The following SEMA5B variants were observed in gnomAD, a reference collection of about 807,000 sequenced individuals.
SEMA5B encodes semaphorin-5B.
Under a neutral mutation model 135.0 loss-of-function variants are expected in SEMA5B, and 66 were observed. That is an observed-to-expected ratio of 0.49 (90% confidence interval 0.40 to 0.60). SEMA5B has a LOEUF of 0.60. SEMA5B is among the 20% of genes least tolerant of loss of function. The pLI is 0.00. For missense variants in SEMA5B, 1,501 were observed against 1,566.3 expected, an observed-to-expected ratio of 0.96 and a Z score of 0.70; for synonymous variants, 690 against 639.5, an observed-to-expected ratio of 1.08 and a Z score of -1.19.
chr3:122,931,746 C>A (rs1270667610), intron 5 of SEMA5B, among the ~76,000 whole-genome samples: 2 of 152,152 alleles, frequency 1.3e-5, no homozygotes, highest in Non-Finnish European at 2.9e-5. Context: ...ACTCTGATCT[C>A]CACAATTTTC....
At chr3:122,939,296 T>C in intron 5 of SEMA5B, 129 bp downstream of exon 5, 1 of 733,720 alleles carries the variant, frequency 1.4e-6, no homozygotes, top group Non-Finnish European at 2.4e-6. Flanking sequence ...CCATGGCCAG[T>C]GAAAAGAACA....
At chr3:123,008,472 G>A (rs771430238) in intron 1 of SEMA5B, among the ~76,000 whole-genome samples, 26 of 152,150 alleles carry the variant, frequency 1.7e-4, no homozygotes, top group African/African-American at 3.1e-4. Context: ...AAGGGGCCTC[G>A]TGCATCAGGT....
chr3:122,962,074 G>T (rs561975697), intron 1 of SEMA5B, among the ~76,000 whole-genome samples: 1 of 152,290 alleles, frequency 6.6e-6, no homozygotes, highest in South Asian at 2.1e-4. Context: ...AGATCATCCA[G>T]GATAATCTCC....
chr3:122,945,106 G>A (rs1043368821), intron 3 of SEMA5B, among the ~76,000 whole-genome samples: 3 of 152,154 alleles, frequency 2.0e-5, no homozygotes, highest in African/African-American at 4.8e-5. Context: ...ATTTCTGCAC[G>A]ACAGGCAAAC....
intron 1 of SEMA5B, among the ~76,000 whole-genome samples, chr3:123,021,623 A>T (rs1346394330): frequency 6.6e-6 from 1 of 152,212 alleles, no homozygotes; most frequent in African/African-American, 2.4e-5. Context: ...CAGGTAGACC[A>T]GTGGGACTGG....
chr3:122,946,113 T>C (rs1241160326), intron 3 of SEMA5B, among the ~76,000 whole-genome samples: 1 of 152,236 alleles, frequency 6.6e-6, no homozygotes, highest in Non-Finnish European at 1.5e-5. Flanking sequence ...ACATTCTCCA[T>C]GACACGCCTG....
chr3:122,922,127 A>G lies in SEMA5B; in HGVS notation c.1481-5T>C, dbSNP rs2107638169. On this transcript the variant is annotated splice_polypyrimidine_tract_variant and splice_region_variant and intron_variant, in intron 11 of 22. Transcript: ENST00000357599. Reference sequence around the variant, plus strand: ...CCTTCAGGATGGTGCCCGACTCTGGAGGAGAGGGGGAGCCAGACCAAGGTG... The same window carrying G: ...CCTTCAGGATGGTGCCCGACTCTGGGGGAGAGGGGGAGCCAGACCAAGGTG... The G allele has an allele frequency of 6.6e-7, 1 of 1,519,794 alleles. No homozygotes were observed. The highest frequency in any genetic ancestry group is 8.9e-7 in the Non-Finnish European group (1 of 1,128,108). The allele number at this position is 1,519,794 out of a possible 1,614,324, so 94.1% of individuals were successfully genotyped here.
At chr3:122,993,032 A>C (rs1236244605) in intron 1 of SEMA5B, 1 of 152,400 alleles carries the variant, frequency 6.6e-6, no homozygotes, top group East Asian at 1.9e-4. Context: ...GCTGATGAGG[A>C]GTTCTCAGTC....
At chr3:122,958,480 G>A (rs573285674) in intron 2 of SEMA5B, among the ~76,000 whole-genome samples, 96 of 152,324 alleles carry the variant, frequency 6.3e-4, no homozygotes, top group African/African-American at 2.3e-3. Flanking sequence ...CGAGTATGGT[G>A]GCCCACAAGT....
At position 122,939,420 on chromosome 3, in the gene SEMA5B, C is replaced by T. The variant is rs868856977; in HGVS notation, c.474+5G>A. 11 of 1,607,552 alleles carry T rather than the reference C, an allele frequency of 6.8e-6. No individual in the cohort carries two copies. The highest frequency in any genetic ancestry group is 4.0e-5 in the African/African-American group (3 of 74,760). On this transcript the variant is annotated splice_donor_5th_base_variant and intron_variant, in intron 5 of 22. Transcript: ENST00000357599. ...TAGGAAGGGAAGGGAAGAAAGCAAT[C>T]GTACCTGAAGAAGAGAGACATTGGC... is the stretch of plus-strand genomic sequence containing the variant.
At chr3:122,911,847 C>T (rs1405204156) in intron 20 of SEMA5B, 73 bp downstream of exon 20, 20 of 1,493,136 alleles carry the variant, frequency 1.3e-5, no homozygotes, top group Non-Finnish European at 1.6e-5. Context: ...AGGACACAAG[C>T]TTCAGAAGGA....
intron 1 of SEMA5B, among the ~76,000 whole-genome samples, chr3:122,999,673 G>C (rs931163288): frequency 1.3e-5 from 2 of 152,180 alleles, no homozygotes; most frequent in African/African-American, 4.8e-5. Flanking sequence ...CCTCCCCAGG[G>C]AGGAGCAGTC....
Position 122,943,419 on chromosome 3 carries a change from C to T in SEMA5B, c.428+17G>A, listed in dbSNP as rs1939651050. On this transcript the variant is annotated intron_variant, in intron 4 of 22. Transcript: ENST00000357599. ...AGCCCCTGCACTTCCCACCCCGACC[C>T]TTCTGCCCCTTGTTACCTGGCTCCC... 6.4e-7 allele frequency: 1 copy of T among 1,565,068 alleles called. No individual in the cohort carries two copies. Among genetic ancestry groups the T allele is most frequent in the Non-Finnish European group, 8.7e-7 (1 of 1,146,788 alleles).
intron 5 of SEMA5B, among the ~76,000 whole-genome samples, chr3:122,937,025 A>G (rs1939324512): frequency 1.3e-5 from 2 of 152,262 alleles, no homozygotes; most frequent in Admixed American, 1.3e-4. Context: ...TCAATAAAGC[A>G]TTGAGTTTTA....
At chr3:122,936,711 C>G (rs183611035) in intron 5 of SEMA5B, among the ~76,000 whole-genome samples, 18 of 152,318 alleles carry the variant, frequency 1.2e-4, no homozygotes, top group African/African-American at 4.1e-4. Flanking sequence ...GCCTCCTTTT[C>G]TTTCCCAGTA....
chr3:123,015,729 G>C (rs2218459), intron 1 of SEMA5B, among the ~76,000 whole-genome samples: 1 of 152,032 alleles, frequency 6.6e-6, no homozygotes, highest in South Asian at 2.1e-4. Context: ...CAAATGGGCC[G>C]TCTCATGGGC....
intron 1 of SEMA5B, among the ~76,000 whole-genome samples, chr3:123,013,662 G>A (rs998943003): frequency 2.0e-5 from 3 of 152,214 alleles, no homozygotes; most frequent in Non-Finnish European, 4.4e-5. Flanking sequence ...CCTCAGCAGA[G>A]TGTCTGAGGC....
Position 122,927,972 on chromosome 3 carries a change from ATCT to A in SEMA5B, c.665_667del (p.Lys222del). 1 of 1,526,282 alleles carries A rather than the reference ATCT, an allele frequency of 6.6e-7. No individual in the cohort carries two copies. The highest frequency in any genetic ancestry group is 1.3e-5 in the South Asian group (1 of 77,342). 94.5% of individuals were successfully genotyped at this position (1,526,282 alleles called of 1,614,324 possible). A position where few individuals can be genotyped will look rare whatever the true frequency, so the allele number is the denominator to read the frequency against. ...ATAGGGGCAGCGGGCCACACCATTG[ATCT>A]TCTCAATAGTCCGGCTGAGGTTCCC... On this transcript the variant is annotated inframe_deletion, in exon 8 of 23. Transcript: ENST00000357599.
chr3:122,917,785 T>A (rs1938144533), intron 12 of SEMA5B, among the ~76,000 whole-genome samples: 1 of 150,526 alleles, frequency 6.6e-6, no homozygotes, highest in African/African-American at 2.5e-5. Flanking sequence ...CAAGGACAAT[T>A]TGGGTAAATT....
Sources: allele counts gnomAD v4.1 joint callset (sites outside exome capture counted in the v4.1 genomes callset), GRCh38; gene constraint gnomAD v4.1.1; transcripts MANE v1.5; gene names NCBI Gene and HGNC (gene_info 2026-07-23, HGNC 2026-07-21).